Variants in PIK3CA observed in about 807,000 individuals in gnomAD.
PIK3CA encodes the protein phosphatidylinositol-4,5-bisphosphate 3-kinase catalytic subunit alpha.
A neutral mutation model predicts 138.2 loss-of-function variants in PIK3CA; 27 were observed. The ratio of observed to expected loss-of-function variants is 0.20; its 90% confidence interval spans 0.14 to 0.27. PIK3CA has a LOEUF of 0.27. Ranked by LOEUF, PIK3CA falls within the 10% of genes least tolerant of loss-of-function variation. PIK3CA has a pLI of 1.00. For missense variants in PIK3CA, 544 were observed against 1,277.4 expected, an observed-to-expected ratio of 0.43 and a Z score of 8.75; for synonymous variants, 358 against 413.2, an observed-to-expected ratio of 0.87 and a Z score of 1.62.
chr3:179,190,324 C>T (rs1383675354), intron 1 of PIK3CA, among the ~76,000 whole-genome samples: 1 of 151,168 alleles, frequency 6.6e-6, no homozygotes, highest in Non-Finnish European at 1.5e-5. Flanking sequence ...CCACCACCCC[C>T]AGCATAAAAG....
intron 1 of PIK3CA, among the ~76,000 whole-genome samples, chr3:179,179,240 A>G (rs993968577): frequency 6.6e-6 from 1 of 152,264 alleles, no homozygotes; most frequent in Admixed American, 6.5e-5. Context: ...AACAGCCCAC[A>G]TATTCAACAA....
intron 1 of PIK3CA, among the ~76,000 whole-genome samples, chr3:179,166,342 C>T (rs558703197): frequency 1.3e-5 from 2 of 152,304 alleles, no homozygotes; most frequent in Admixed American, 6.5e-5. Context: ...TTTTTACCCA[C>T]ACGGCTCACA....
At chr3:179,224,314 C>T (rs991206471) in intron 15 of PIK3CA, 127 bp downstream of exon 15, 3 of 549,702 alleles carry the variant, frequency 5.5e-6, no homozygotes. Flanking sequence ...TCTCATTCTC[C>T]TACCCTCAAA....
At chr3:179,215,715 T>G (rs1724822024) in intron 9 of PIK3CA, among the ~76,000 whole-genome samples, 1 of 152,148 alleles carries the variant, frequency 6.6e-6, no homozygotes, top group African/African-American at 2.4e-5. Context: ...TTTGGTTGGT[T>G]GGTTTCTTTC....
chr3:179,190,031 G>A (rs1334962160), intron 1 of PIK3CA, among the ~76,000 whole-genome samples: 4 of 152,282 alleles, frequency 2.6e-5, no homozygotes, highest in East Asian at 3.9e-4. Context: ...CTGGGGCCCA[G>A]AAAATTGTAC....
At chr3:179,192,519 G>A (rs374338432) in intron 1 of PIK3CA, among the ~76,000 whole-genome samples, 1 of 152,210 alleles carries the variant, frequency 6.6e-6, no homozygotes, top group Non-Finnish European at 1.5e-5. Context: ...GTTTGCAGAG[G>A]CAGGGTTTGG....
chr3:179,200,306 T>TA (rs1724379184), intron 3 of PIK3CA, among the ~76,000 whole-genome samples: 2 of 151,988 alleles, frequency 1.3e-5, no homozygotes, highest in African/African-American at 4.8e-5. Context: ...AATAAGTAAT[T>TA]TTCTTAAGTA....
chr3:179,161,593 A>C (rs1723282802), intron 1 of PIK3CA, among the ~76,000 whole-genome samples: 1 of 152,134 alleles, frequency 6.6e-6, no homozygotes. Flanking sequence ...AGCTATCGGG[A>C]GGCTTAGGCA....
chr3:179,162,107 A>G (rs1314363105), intron 1 of PIK3CA, among the ~76,000 whole-genome samples: 2 of 152,148 alleles, frequency 1.3e-5, no homozygotes, highest in African/African-American at 4.8e-5. Context: ...AGAAATATAC[A>G]TTTTATCTCT....
chr3:179,180,370 A>C (rs1723810883), intron 1 of PIK3CA, among the ~76,000 whole-genome samples: 1 of 152,138 alleles, frequency 6.6e-6, no homozygotes. Context: ...AACCTCATTT[A>C]TATACTTCAT....
chr3:179,207,153 G>A (rs1372488855), intron 6 of PIK3CA, among the ~76,000 whole-genome samples: 1 of 152,074 alleles, frequency 6.6e-6, no homozygotes. Flanking sequence ...AGATAGAAAA[G>A]TAGATTTTAA....
At chr3:179,201,608 T>C (rs1299267324) in intron 4 of PIK3CA, 68 bp downstream of exon 4, 4 of 1,056,554 alleles carry the variant, frequency 3.8e-6, no homozygotes, top group Admixed American at 3.0e-5. Flanking sequence ...TGAGTATCTG[T>C]ATTTTTTTTT....
rs1051400 is a variant in PIK3CA at position 179,199,116 on chromosome 3, C to A, written c.291C>A (p.Pro97=). The A allele has an allele frequency of 6.2e-7, 1 of 1,607,772 alleles. No homozygotes were observed. The highest frequency in any genetic ancestry group is 1.7e-5 in the Admixed American group (1 of 58,268). Residue 97 remains proline (P), a synonymous_variant, in exon 2 of 21, where the codon CCC becomes CCA. Coordinates refer to ENST00000263967, the MANE Select transcript of PIK3CA (RefSeq NM_006218.4). ...TTTGTGACCTTCGGCTTTTTCAACC[C>A]TTTTTAAAAGTAATTGAACCAGTAG... is the stretch of plus-strand genomic sequence containing the variant. ...RRLCDLRLFQ[P]FLKVIEPVGN...
At chr3:179,180,787 T>C (rs531265796) in intron 1 of PIK3CA, among the ~76,000 whole-genome samples, 7 of 152,190 alleles carry the variant, frequency 4.6e-5, no homozygotes, top group African/African-American at 1.4e-4. Context: ...TTGAGGAAAT[T>C]TGGGGGGACA....
At chr3:179,217,394 G>A (rs1724861089) in intron 9 of PIK3CA, among the ~76,000 whole-genome samples, 1 of 152,062 alleles carries the variant, frequency 6.6e-6, no homozygotes, top group African/African-American at 2.4e-5. Context: ...AAGGTACATA[G>A]TACATATTTA....
At chr3:179,197,400 A>G (rs1724294542) in intron 1 of PIK3CA, among the ~76,000 whole-genome samples, 1 of 151,974 alleles carries the variant, frequency 6.6e-6, no homozygotes, top group African/African-American at 2.4e-5. Context: ...CCCAAACTTG[A>G]TGACCGCATT....
intron 1 of PIK3CA, among the ~76,000 whole-genome samples, chr3:179,186,703 T>G (rs116536951): frequency 1.4e-3 from 206 of 152,354 alleles, no homozygotes; most frequent in African/African-American, 4.5e-3. Context: ...ATAAACTTGT[T>G]GTAAAGAGTT....
chr3:179,229,258 T>C lies in PIK3CA; in HGVS notation c.2496-14T>C. On this transcript the variant is annotated splice_polypyrimidine_tract_variant and intron_variant, in intron 17 of 20. Coordinates refer to ENST00000263967, the MANE Select transcript of PIK3CA (RefSeq NM_006218.4). ...TTCCATCATTTAATTGTAAACGTGTTACTCCTCTTTCAGAATGTTACCTTA... is the reference window on the plus strand; with the variant it reads ...TTCCATCATTTAATTGTAAACGTGTCACTCCTCTTTCAGAATGTTACCTTA... 6.3e-7 allele frequency: 1 copy of C among 1,598,052 alleles called. No individual in the cohort carries two copies. Among genetic ancestry groups the C allele is most frequent in the East Asian group, 2.2e-5 (1 of 44,568 alleles).
intron 1 of PIK3CA, among the ~76,000 whole-genome samples, chr3:179,155,184 A>G (rs1723103450): frequency 6.6e-6 from 1 of 152,238 alleles, no homozygotes; most frequent in Admixed American, 6.5e-5. Context: ...AGGCACTATT[A>G]TGAAGAGGAT....
Sources: allele counts gnomAD v4.1 joint callset (sites outside exome capture counted in the v4.1 genomes callset), GRCh38; gene constraint gnomAD v4.1.1; transcripts MANE v1.5; gene names NCBI Gene and HGNC (gene_info 2026-07-23, HGNC 2026-07-21).